Variants in GALNT13 observed in about 807,000 individuals in gnomAD.
GALNT13 encodes the protein UDP-GalNAc:polypeptide N-acetylgalactosaminyltransferase 13.
GALNT13 carries 28 observed loss-of-function variants against 64.2 expected under a neutral mutation model. The observed-to-expected ratio is 0.44, with a 90% CI of 0.32 to 0.60. The LOEUF is 0.60. Ranked by LOEUF, GALNT13 falls within the 20% of genes least tolerant of loss-of-function variation. GALNT13 has a pLI of 0.05. For missense variants in GALNT13, 577 were observed against 669.8 expected, an observed-to-expected ratio of 0.86 and a Z score of 1.53; for synonymous variants, 214 against 224.6, an observed-to-expected ratio of 0.95 and a Z score of 0.42.
chr2:153,446,517 T>C, the GALNT13 span, among the ~76,000 whole-genome samples: 1 of 152,190 alleles, frequency 6.6e-6, no homozygotes, highest in Non-Finnish European at 1.5e-5. Flanking sequence ...CACTCTTAAC[T>C]ACTGAAGTAT....
At chr2:153,735,201 G>A in the GALNT13 span, among the ~76,000 whole-genome samples, 611 of 151,976 alleles carry the variant, frequency 4.0e-3, 1 homozygote, top group Non-Finnish European at 6.9e-3. Flanking sequence ...TCTGAGAGCC[G>A]GTCTTGTTCA....
intron 2 of GALNT13, among the ~76,000 whole-genome samples, chr2:153,932,297 C>G (rs890372978): frequency 4.3e-4 from 65 of 151,646 alleles, no homozygotes; most frequent in Non-Finnish European, 1.2e-4. Flanking sequence ...TAGTTTAGCT[C>G]TGTTTCTGGT....
chr2:154,322,909 C>T (rs1461886710), intron 9 of GALNT13, among the ~76,000 whole-genome samples: 5 of 151,826 alleles, frequency 3.3e-5, no homozygotes, highest in African/African-American at 1.2e-4. Context: ...TTTGATGTGA[C>T]GGCTGGAAGA....
the GALNT13 span, among the ~76,000 whole-genome samples, chr2:153,825,413 G>C: frequency 6.6e-6 from 1 of 152,154 alleles, no homozygotes; most frequent in East Asian, 1.9e-4. Context: ...AATGGCTCCT[G>C]TTGTATTTGT....
At chr2:153,205,536 ATATTCT>A in the GALNT13 span, among the ~76,000 whole-genome samples, 4 of 152,034 alleles carry the variant, frequency 2.6e-5, no homozygotes, top group African/African-American at 9.7e-5. Flanking sequence ...ATCCATCTTC[ATATTCT>A]TATTATTTCT....
chr2:153,191,939 C>G, the GALNT13 span, among the ~76,000 whole-genome samples: 1 of 151,682 alleles, frequency 6.6e-6, no homozygotes, highest in South Asian at 2.1e-4. Flanking sequence ...TGGGTTTTCT[C>G]TTTTTTTACT....
the GALNT13 span, among the ~76,000 whole-genome samples, chr2:153,124,467 TTCA>T: frequency 3.3e-5 from 5 of 152,210 alleles, no homozygotes; most frequent in African/African-American, 1.2e-4. Context: ...TATATCCATC[TTCA>T]TCATGAAGCA....
intron 12 of GALNT13, among the ~76,000 whole-genome samples, chr2:154,443,911 A>T (rs186140159): frequency 6.6e-6 from 1 of 152,170 alleles, no homozygotes; most frequent in African/African-American, 2.4e-5. Context: ...AAGTAATACT[A>T]TATTATAAAC....
chr2:154,142,570 A>AAAAG (rs1198195207), intron 4 of GALNT13, among the ~76,000 whole-genome samples: 2 of 150,540 alleles, frequency 1.3e-5, no homozygotes, highest in African/African-American at 4.9e-5. Flanking sequence ...AAAAAAAAAA[A>AAAAG]AAAGAAAGGA....
At chr2:153,398,293 G>A in the GALNT13 span, among the ~76,000 whole-genome samples, 3 of 152,124 alleles carry the variant, frequency 2.0e-5, no homozygotes, top group South Asian at 2.1e-4. Context: ...TGGTGTATAT[G>A]TGCCACATTT....
chr2:153,581,945 T>C, the GALNT13 span, among the ~76,000 whole-genome samples: 3 of 152,144 alleles, frequency 2.0e-5, no homozygotes. Context: ...ATAATGCTTA[T>C]AATTTATTGT....
Position 154,145,678 on chromosome 2 carries a change from G to A in GALNT13, c.311+5173G>A, listed in dbSNP as rs1185215798. Among the ~76,000 whole-genome samples, 8 of 151,932 alleles carry A rather than the reference G, an allele frequency of 5.3e-5. No homozygotes were observed. In the South Asian group the frequency reaches 1.7e-3, roughly 31 times the overall value. On this transcript the variant is annotated intron_variant, in intron 4 of 12. Transcript: ENST00000392825. ...AGTCAATAAAGAGGAAAAGACTCTAGCAGCCTTACATTATTAGTGGAAGAG... is the reference window on the plus strand; with the variant it reads ...AGTCAATAAAGAGGAAAAGACTCTAACAGCCTTACATTATTAGTGGAAGAG...
intron 3 of GALNT13, among the ~76,000 whole-genome samples, chr2:154,089,027 T>C (rs989090213): frequency 1.3e-5 from 2 of 152,146 alleles, no homozygotes; most frequent in Non-Finnish European, 2.9e-5. Context: ...GGTGAATGAA[T>C]AGCTGACCCA....
the GALNT13 span, among the ~76,000 whole-genome samples, chr2:153,144,854 T>G: frequency 1.3e-5 from 2 of 151,906 alleles, no homozygotes; most frequent in African/African-American, 4.8e-5. Context: ...TTAACCTCTC[T>G]GATCTTCACT....
At chr2:153,094,376 T>G in the GALNT13 span, among the ~76,000 whole-genome samples, 5 of 152,042 alleles carry the variant, frequency 3.3e-5, no homozygotes, top group African/African-American at 4.8e-5. Flanking sequence ...CACTGCTCAA[T>G]GAAATAAAAG....
chr2:153,600,878 G>A, the GALNT13 span, among the ~76,000 whole-genome samples: 106 of 152,042 alleles, frequency 7.0e-4, 1 homozygote, highest in Middle Eastern at 3.4e-3. Flanking sequence ...TGTATCTAAC[G>A]CTTAATGGTT....
intron 1 of GALNT13, among the ~76,000 whole-genome samples, chr2:153,874,121 T>G (rs1686193336): frequency 9.2e-6 from 1 of 108,950 alleles, no homozygotes; most frequent in Non-Finnish European, 2.0e-5. Context: ...TTTTTTTTTC[T>G]TTCCCCACGT....
At chr2:154,293,100 G>T (rs1270752125) in intron 8 of GALNT13, among the ~76,000 whole-genome samples, 1 of 152,088 alleles carries the variant, frequency 6.6e-6, no homozygotes, top group African/African-American at 2.4e-5. Context: ...TGTATACATG[G>T]TCAAATTTAC....
chr2:153,475,886 G>T, the GALNT13 span, among the ~76,000 whole-genome samples: 1 of 152,152 alleles, frequency 6.6e-6, no homozygotes, highest in Non-Finnish European at 1.5e-5. Flanking sequence ...GTCTCCCTTT[G>T]AAACATGCAG....
Sources: allele counts gnomAD v4.1 joint callset (sites outside exome capture counted in the v4.1 genomes callset), GRCh38; gene constraint gnomAD v4.1.1; transcripts MANE v1.5; gene names NCBI Gene and HGNC (gene_info 2026-07-23, HGNC 2026-07-21).